The following DYNC2H1 variants were observed in gnomAD, a reference collection of about 807,000 sequenced individuals.
The protein encoded by DYNC2H1 is cytoplasmic dynein 2 heavy chain 1.
DYNC2H1 carries 410 observed loss-of-function variants against 570.0 expected under a neutral mutation model. The observed-to-expected ratio is 0.72, with a 90% CI of 0.66 to 0.78. The LOEUF (loss-of-function observed/expected upper bound fraction) is 0.78, where lower values mean the gene tolerates loss of function less well. Ranked by LOEUF, DYNC2H1 falls within the 30% of genes least tolerant of loss-of-function variation. DYNC2H1 has a pLI of 0.00. For missense variants in DYNC2H1, 4,865 were observed against 5,046.4 expected, an observed-to-expected ratio of 0.96 and a Z score of 1.09; for synonymous variants, 1,688 against 1,677.6, an observed-to-expected ratio of 1.01 and a Z score of -0.15.
Position 103,452,518 on chromosome 11 carries a change from A to C in DYNC2H1, c.12457-2668A>C, listed in dbSNP as rs142488350. Among the ~76,000 whole-genome samples, 83 of 152,112 alleles carry C rather than the reference A, an allele frequency of 5.5e-4. 1 individual carries two copies. The East Asian group carries it at 0.013, about 24-fold the overall frequency. ...CTATATCCCTAAAAATATTAGTGTTAATTAATATGTAAAAGATATGGAAAA... is the reference window on the plus strand; with the variant it reads ...CTATATCCCTAAAAATATTAGTGTTCATTAATATGTAAAAGATATGGAAAA... On this transcript the variant is annotated intron_variant, in intron 85 of 88. Coordinates refer to ENST00000375735, the MANE Select transcript of DYNC2H1 (RefSeq NM_001377.3).
intron 83 of DYNC2H1, among the ~76,000 whole-genome samples, chr11:103,368,146 A>G (rs1940996332): frequency 6.6e-6 from 1 of 152,178 alleles, no homozygotes; most frequent in African/African-American, 2.4e-5. Context: ...GAGTGTGGGT[A>G]GTTCTATTTT....
At chr11:103,449,701 T>C (rs1224559895) in intron 85 of DYNC2H1, among the ~76,000 whole-genome samples, 1 of 152,094 alleles carries the variant, frequency 6.6e-6, no homozygotes, top group African/African-American at 2.4e-5. Flanking sequence ...TATTGTTTAA[T>C]TAAAAAATAA....
chr11:103,442,815 T>C (rs1944311002), intron 85 of DYNC2H1, among the ~76,000 whole-genome samples: 1 of 152,110 alleles, frequency 6.6e-6, no homozygotes, highest in Non-Finnish European at 1.5e-5. Context: ...ATGCAGAGAA[T>C]AAACTCTTAT....
chr11:103,149,351 C>G (rs1467827529), intron 20 of DYNC2H1, among the ~76,000 whole-genome samples: 1 of 152,032 alleles, frequency 6.6e-6, no homozygotes, highest in Non-Finnish European at 1.5e-5. Context: ...AAAAACTATC[C>G]AGAAGGCTAG....
At chr11:103,462,701 T>C (rs1037016262) in intron 87 of DYNC2H1, among the ~76,000 whole-genome samples, 7 of 152,238 alleles carry the variant, frequency 4.6e-5, no homozygotes, top group Admixed American at 3.3e-4. Context: ...TGTTGATAGT[T>C]TCCAGCAGTG....
In DYNC2H1 at chr11:103,133,567, G is replaced by A. The variant is rs369040584; in HGVS notation, c.1966G>A (p.Gly656Arg). The A allele has an allele frequency of 8.3e-5, 133 of 1,607,548 alleles. No homozygotes were observed. In the African/African-American group the frequency reaches 1.6e-3, roughly 19 times the overall value. Residue 656 changes from glycine (G) to arginine (R), a missense_variant, in exon 14 of 89, where the codon GGA becomes AGA. Physicochemically the swap from Gly to Arg is moderately radical, Grantham distance 125 (BLOSUM62 -2). Transcript: ENST00000375735. This position sits in a 1 kb window ranked among gnomAD's most constrained non-coding sequence, Gnocchi z 4.8. The part of the protein sequence containing the change: ...FEQIIKNSKA[G>R]SGGKSQITWD... Reference sequence around the variant, plus strand: ...TATTGTACCATAGAATTCAAAAGCAGGAAGTGGAGGGAAATCACAGATAAC... The same window carrying A: ...TATTGTACCATAGAATTCAAAAGCAAGAAGTGGAGGGAAATCACAGATAAC...
intron 47 of DYNC2H1, among the ~76,000 whole-genome samples, chr11:103,197,665 C>T (rs1862555146): frequency 6.6e-6 from 1 of 152,062 alleles, no homozygotes; most frequent in African/African-American, 2.4e-5. Context: ...CTAAGCTGGC[C>T]TTGACCTCCT....
At position 103,199,451 on chromosome 11, in the gene DYNC2H1, A is replaced by G. The variant is rs1299553122; in HGVS notation, c.8063A>G (p.Lys2688Arg). Reference protein sequence around the residue: ...SPKISRGYELKQFKNDLKHVL... With the variant: ...SPKISRGYELRQFKNDLKHVL... ...AAGATTTCCAGAGGATATGAACTGA[A>G]GCAGTTCAAAAATGATCTCAAACAT... Residue 2688 changes from lysine (K) to arginine (R), a missense_variant, in exon 49 of 89, where the codon AAG becomes AGG. By Grantham distance (26) the Lys-to-Arg change is conservative. Transcript: ENST00000375735. This position sits in a 1 kb window ranked among gnomAD's most constrained non-coding sequence, Gnocchi z 4.6. 8 of 1,591,252 alleles carry G rather than the reference A, an allele frequency of 5.0e-6. No homozygotes were observed. The highest frequency in any genetic ancestry group is 5.1e-6 in the Non-Finnish European group (6 of 1,167,672).
chr11:103,272,601 A>G (rs1005779056), intron 70 of DYNC2H1, among the ~76,000 whole-genome samples: 17 of 152,304 alleles, frequency 1.1e-4, no homozygotes, highest in African/African-American at 4.1e-4. Context: ...AATAAAAAAG[A>G]AATTCTAGTG....
In DYNC2H1 at chr11:103,199,970, A is replaced by G. The variant is rs1194885433; in HGVS notation, c.8089-76A>G. 3 of 943,750 alleles carry G rather than the reference A, an allele frequency of 3.2e-6. No homozygotes were observed. The South Asian group carries it at 4.6e-5, about 14-fold the overall frequency. The allele number at this position is 943,750 out of a possible 1,614,324, so 58.5% of individuals were successfully genotyped here. On this transcript the variant is annotated intron_variant, in intron 49 of 88. Transcript: ENST00000375735. The surrounding 1 kb of genome is among the most constrained non-coding windows in gnomAD (Gnocchi z 4.6). Reference sequence around the variant, plus strand: ...CACATGATACTGGCATACTTTACATACAAATACAAAATGTTAATTTTTAAC... The same window carrying G: ...CACATGATACTGGCATACTTTACATGCAAATACAAAATGTTAATTTTTAAC...
chr11:103,264,755 C>G lies in DYNC2H1; in HGVS notation c.10695+4778C>G, dbSNP rs1390732874. Among the ~76,000 whole-genome samples, 1 of 152,142 alleles carries G rather than the reference C, an allele frequency of 6.6e-6. No individual in the cohort carries two copies. Among genetic ancestry groups the G allele is most frequent in the Non-Finnish European group, 1.5e-5 (1 of 68,024 alleles). On this transcript the variant is annotated intron_variant, in intron 70 of 88. Transcript: ENST00000375735. The surrounding 1 kb of genome is among the most constrained non-coding windows in gnomAD (Gnocchi z 4.8). ...TGTCATACCGAATGTGAATCAATATCAGTATCATACTGAATGGGCAAAAGC... is the reference window on the plus strand; with the variant it reads ...TGTCATACCGAATGTGAATCAATATGAGTATCATACTGAATGGGCAAAAGC...
At position 103,245,774 on chromosome 11, in the gene DYNC2H1, A is replaced by G. The variant is rs1864589864; in HGVS notation, c.10042+400A>G. ...GTTCCCAGGTGCTGGTTATGGGCCAACTTTACAAGTAGCCCTTTCTAAAGA... is the reference window on the plus strand; with the variant it reads ...GTTCCCAGGTGCTGGTTATGGGCCAGCTTTACAAGTAGCCCTTTCTAAAGA... On this transcript the variant is annotated intron_variant, in intron 65 of 88. Coordinates refer to ENST00000375735, the MANE Select transcript of DYNC2H1 (RefSeq NM_001377.3). This position sits in a 1 kb window ranked among gnomAD's most constrained non-coding sequence, Gnocchi z 4.5. 1.3e-5 allele frequency among the ~76,000 whole-genome samples: 2 copies of G among 152,116 alleles called. No homozygotes were observed. The highest frequency in any genetic ancestry group is 4.1e-4 in the South Asian group (2 of 4,828).
At chr11:103,159,315 G>A (rs1050069916) in intron 28 of DYNC2H1, among the ~76,000 whole-genome samples, 16 of 152,042 alleles carry the variant, frequency 1.1e-4, no homozygotes, top group Non-Finnish European at 2.9e-5. Flanking sequence ...TGACATCTAG[G>A]GCGATATCTG....
chr11:103,165,825 C>G (rs1243807237), intron 30 of DYNC2H1, 73 bp from the exon 31 acceptor site: 3 of 1,259,352 alleles, frequency 2.4e-6, no homozygotes, highest in Non-Finnish European at 3.2e-6. Flanking sequence ...AAAAAAGGTG[C>G]CTTTCTTTAA....
At chr11:103,198,539 G>A (rs956977089) in intron 48 of DYNC2H1, among the ~76,000 whole-genome samples, 1 of 152,076 alleles carries the variant, frequency 6.6e-6, no homozygotes, top group Admixed American at 6.5e-5. Context: ...CTCTTTTAAA[G>A]TTTAGTTATA....
intron 82 of DYNC2H1, among the ~76,000 whole-genome samples, chr11:103,347,254 A>G (rs1050884371): frequency 6.6e-6 from 1 of 152,170 alleles, no homozygotes; most frequent in African/African-American, 2.4e-5. Context: ...CTCTATATTA[A>G]TAAGACTTAT....
rs1944169039 is a variant in DYNC2H1, at chr11:103,439,104, C to T, written c.12456+3072C>T. On this transcript the variant is annotated intron_variant, in intron 85 of 88. Transcript: ENST00000375735. The surrounding 1 kb of genome is among the most constrained non-coding windows in gnomAD (Gnocchi z 4.1). Reference sequence around the variant, plus strand: ...TGTTCTCCAGGAACTATCCTTACAACTTATCAGAAAGATAGAACTGAATAA... The same window carrying T: ...TGTTCTCCAGGAACTATCCTTACAATTTATCAGAAAGATAGAACTGAATAA... Among the ~76,000 whole-genome samples the T allele has an allele frequency of 6.6e-6, 1 of 152,086 alleles. No homozygotes were observed. Among genetic ancestry groups the T allele is most frequent in the Non-Finnish European group, 1.5e-5 (1 of 68,006 alleles).
At chr11:103,393,356 G>C (rs766267232) in intron 83 of DYNC2H1, among the ~76,000 whole-genome samples, 2 of 152,156 alleles carry the variant, frequency 1.3e-5, no homozygotes, top group Non-Finnish European at 2.9e-5. Context: ...CTGTTTACTT[G>C]ATAGCTTCAC....
rs1275250008 is a variant in DYNC2H1 at position 103,154,916 on chromosome 11, A to G, written c.3573+107A>G. 4.9e-6 allele frequency: 4 copies of G among 816,716 alleles called. No homozygotes were observed. The African/African-American group carries it at 7.2e-5, about 15-fold the overall frequency. The allele number at this position is 816,716 out of a possible 1,614,324, so 50.6% of individuals were successfully genotyped here. On this transcript the variant is annotated intron_variant, in intron 24 of 88. Transcript: ENST00000375735. ...ACTTTATATGTTTTTCAATTAAATTATTCCGTTTGATGAAGAAAATAGGAA... is the reference window on the plus strand; with the variant it reads ...ACTTTATATGTTTTTCAATTAAATTGTTCCGTTTGATGAAGAAAATAGGAA...
Sources: gnomAD v4.1 joint callset for allele counts (sites outside exome capture counted in the v4.1 genomes callset) on GRCh38, gnomAD v4.1.1 for gene constraint, Gnocchi (gnomAD v3.1) non-coding constraint, MANE v1.5 for transcripts, NCBI Gene and HGNC (gene_info 2026-07-23, HGNC 2026-07-21) for gene names.